KCNMB2: variants seen among roughly 807,000 people sequenced by gnomAD.
The protein encoded by KCNMB2 is potassium calcium-activated channel subfamily M regulatory beta subunit 2.
Under a neutral mutation model 24.5 loss-of-function variants are expected in KCNMB2, and 9 were observed. The observed-to-expected ratio is 0.37, with a 90% CI of 0.22 to 0.64. KCNMB2 has a LOEUF of 0.64. Among genes scored for constraint, KCNMB2 ranks in the 30% least tolerant of loss-of-function variants. KCNMB2 has a pLI of 0.63. For synonymous variants in KCNMB2, 109 were observed against 104.4 expected, an observed-to-expected ratio of 1.04 and a Z score of -0.27; for missense variants, 226 against 284.3, an observed-to-expected ratio of 0.79 and a Z score of 1.47.
chr3:178,539,013 C>T (rs1715500029), intron 1 of KCNMB2, among the ~76,000 whole-genome samples: 1 of 152,190 alleles, frequency 6.6e-6, no homozygotes, highest in South Asian at 2.1e-4. Flanking sequence ...ATAAGCACAG[C>T]TTTAGTCAGT....
intron 1 of KCNMB2, among the ~76,000 whole-genome samples, chr3:178,542,815 G>A (rs1390437451): frequency 2.0e-5 from 3 of 152,130 alleles, no homozygotes; most frequent in Non-Finnish European, 4.4e-5. Flanking sequence ...CTGTATAATG[G>A]AGTATTAGAA....
At chr3:178,750,486 C>T (rs1334547497) in intron 1 of KCNMB2, among the ~76,000 whole-genome samples, 5 of 152,200 alleles carry the variant, frequency 3.3e-5, no homozygotes, top group African/African-American at 7.2e-5. Context: ...GTCAGACATT[C>T]TACTCTGAAG....
intron 1 of KCNMB2, among the ~76,000 whole-genome samples, chr3:178,747,850 T>C (rs1173731028): frequency 6.6e-6 from 1 of 152,240 alleles, no homozygotes; most frequent in African/African-American, 2.4e-5. Flanking sequence ...CAAAGTTAGC[T>C]AGTTCACCTT....
At chr3:178,760,412 TTA>T (rs1278765070) in intron 1 of KCNMB2, among the ~76,000 whole-genome samples, 8 of 140,038 alleles carry the variant, frequency 5.7e-5, no homozygotes, top group African/African-American at 1.6e-4. Context: ...GATATATATA[TTA>T]TATATATATC....
chr3:178,805,633 T>C (rs1204621184), intron 1 of KCNMB2, among the ~76,000 whole-genome samples: 1 of 146,314 alleles, frequency 6.8e-6, no homozygotes, highest in Admixed American at 6.8e-5. Flanking sequence ...AATCTTTTTC[T>C]TTTTTTTTTT....
intron 1 of KCNMB2, among the ~76,000 whole-genome samples, chr3:178,759,519 G>C (rs868484847): frequency 3.7e-4 from 43 of 115,402 alleles, no homozygotes; most frequent in South Asian, 1.1e-3. Context: ...ATCTCTCCAA[G>C]AGGATATATA....
intron 1 of KCNMB2, among the ~76,000 whole-genome samples, chr3:178,692,926 G>T (rs2108331070): frequency 6.6e-6 from 1 of 152,182 alleles, no homozygotes; most frequent in African/African-American, 2.4e-5. Flanking sequence ...TGATTTATTT[G>T]AGCCATGTTT....
At chr3:178,721,785 A>C (rs1193933806) in intron 1 of KCNMB2, among the ~76,000 whole-genome samples, 1 of 152,198 alleles carries the variant, frequency 6.6e-6, no homozygotes, top group Non-Finnish European at 1.5e-5. Flanking sequence ...TCAATGTGTC[A>C]TACTATCTTA....
At chr3:178,671,575 A>G (rs556642020) in intron 1 of KCNMB2, among the ~76,000 whole-genome samples, 2 of 152,176 alleles carry the variant, frequency 1.3e-5, no homozygotes, top group South Asian at 4.1e-4. Context: ...ATACAGAGAG[A>G]AGGTGAAATT....
At chr3:178,811,265 A>G (rs1422659456) in intron 2 of KCNMB2, among the ~76,000 whole-genome samples, 1 of 152,214 alleles carries the variant, frequency 6.6e-6, no homozygotes, top group Non-Finnish European at 1.5e-5. Flanking sequence ...TTCAGTTTAA[A>G]AAACAAAACA....
At position 178,790,343 on chromosome 3, in the gene KCNMB2, G is replaced by A. The variant is rs112136648; in HGVS notation, c.-67-17000G>A. ...GTGACCCAGCACATTCCCAGCTGTGGTGCCCATAGAGAGAGACTTCTTCTG... is the reference window on the plus strand; with the variant it reads ...GTGACCCAGCACATTCCCAGCTGTGATGCCCATAGAGAGAGACTTCTTCTG... On this transcript the variant is annotated intron_variant, in intron 1 of 4. Transcript: ENST00000452583. Among the ~76,000 whole-genome samples, 194 of 152,162 alleles carry A rather than the reference G, an allele frequency of 1.3e-3. 1 individual carries two copies. In the East Asian group the frequency reaches 0.023, roughly 18 times the overall value.
At chr3:178,811,304 C>G (rs1047878839) in intron 2 of KCNMB2, among the ~76,000 whole-genome samples, 2 of 152,146 alleles carry the variant, frequency 1.3e-5, no homozygotes, top group African/African-American at 4.8e-5. Context: ...CTTGAGGATG[C>G]TTTCCCAATA....
At chr3:178,830,670 A>C (rs753831960) in intron 4 of KCNMB2, among the ~76,000 whole-genome samples, 34 of 152,086 alleles carry the variant, frequency 2.2e-4, no homozygotes, top group Non-Finnish European at 4.4e-4. Flanking sequence ...ATATTTCCTC[A>C]TGATTCTGAT....
At chr3:178,619,017 G>A (rs764009097) in intron 1 of KCNMB2, among the ~76,000 whole-genome samples, 15 of 152,196 alleles carry the variant, frequency 9.9e-5, no homozygotes, top group East Asian at 7.7e-4. Context: ...CCCAAAGCCC[G>A]TGTCCTAAAA....
At chr3:178,722,207 T>C (rs1486020610) in intron 1 of KCNMB2, among the ~76,000 whole-genome samples, 1 of 152,202 alleles carries the variant, frequency 6.6e-6, no homozygotes, top group East Asian at 1.9e-4. Context: ...AATTTTTTAA[T>C]AAGGGGGTAT....
chr3:178,628,110 T>C (rs1719184969), intron 1 of KCNMB2, among the ~76,000 whole-genome samples: 1 of 152,214 alleles, frequency 6.6e-6, no homozygotes, highest in African/African-American at 2.4e-5. Context: ...ATAAACAAAC[T>C]TCTAATTATT....
At chr3:178,793,385 T>C (rs1045007076) in intron 1 of KCNMB2, among the ~76,000 whole-genome samples, 3 of 152,190 alleles carry the variant, frequency 2.0e-5, no homozygotes, top group Admixed American at 1.3e-4. Flanking sequence ...AGTGATGACA[T>C]GGCAGAGAAA....
chr3:178,644,845 T>C (rs962826588), intron 1 of KCNMB2, among the ~76,000 whole-genome samples: 3 of 152,154 alleles, frequency 2.0e-5, no homozygotes. Context: ...GTTCATTTTG[T>C]AGAGCTTTAG....
intron 1 of KCNMB2, among the ~76,000 whole-genome samples, chr3:178,804,634 T>C (rs1713894779): frequency 6.6e-6 from 1 of 152,228 alleles, no homozygotes; most frequent in South Asian, 2.1e-4. Context: ...ACACACAGTC[T>C]GAAAAATATT....
Sources: gnomAD v4.1 joint callset for allele counts (sites outside exome capture counted in the v4.1 genomes callset) on GRCh38, gnomAD v4.1.1 for gene constraint, MANE v1.5 for transcripts, NCBI Gene and HGNC (gene_info 2026-07-23, HGNC 2026-07-21) for gene names.